PKN3: variants seen among roughly 807,000 people sequenced by gnomAD.
PKN3 encodes the protein protein kinase N3.
In PKN3, 91 loss-of-function variants were observed where a neutral mutation model predicts 113.1. The ratio of observed to expected loss-of-function variants is 0.80; its 90% CI spans 0.68 to 0.96. PKN3 has a LOEUF of 0.96. PKN3 is among the 40% of genes least tolerant of loss of function. The pLI is 0.00. For synonymous variants in PKN3, 467 were observed against 499.0 expected, an observed-to-expected ratio of 0.94 and a Z score of 0.85; for missense variants, 1,052 against 1,202.2, an observed-to-expected ratio of 0.88 and a Z score of 1.85.
rs892336288 is a variant in PKN3 at position 128,703,043 on chromosome 9, C to T, written c.24+104C>T. 8 of 804,826 alleles carry T rather than the reference C, an allele frequency of 9.9e-6. No individual in the cohort carries two copies. In the African/African-American group the frequency reaches 1.3e-4, roughly 13 times the overall value. 49.9% of individuals were successfully genotyped at this position (804,826 alleles called of 1,614,324 possible). A position where few individuals can be genotyped will look rare whatever the true frequency, so the allele number is the denominator to read the frequency against. On this transcript the variant is annotated intron_variant, in intron 1 of 21. Coordinates refer to ENST00000291906, the MANE Select transcript of PKN3 (RefSeq NM_013355.5). ...GCCGCTTCCCCCGATCCTCCCCTCACCCGCGCCCCTTCCCTGCCCCTGCCC... is the reference window on the plus strand; with the variant it reads ...GCCGCTTCCCCCGATCCTCCCCTCATCCGCGCCCCTTCCCTGCCCCTGCCC...
At position 128,716,909 on chromosome 9, in the gene PKN3, C is replaced by T. The variant is rs367741823; in HGVS notation, c.1971C>T (p.Pro657=). ...TGCAGATCCACGAGGATGTCTTCCC[C>T]GAGCCCCAGGCCCGGTGGGTTCCAT... ...LMMQIHEDVF[P]EPQARFYVAC... The change falls in exon 16 of 22, where the codon CCC becomes CCT. Residue 657 remains proline, a synonymous_variant. Coordinates refer to ENST00000291906, the MANE Select transcript of PKN3 (RefSeq NM_013355.5). 136 of 1,613,724 alleles carry T rather than the reference C, an allele frequency of 8.4e-5. No homozygotes were observed. The highest frequency in any genetic ancestry group is 2.9e-4 in the South Asian group (26 of 91,070).
chr9:128,717,682 C>A (rs1380162155), intron 16 of PKN3, among the ~76,000 whole-genome samples: 1 of 147,912 alleles, frequency 6.8e-6, no homozygotes, highest in Non-Finnish European at 1.5e-5. Context: ...GAGCCGAGAT[C>A]CCGCCACTTC....
At position 128,702,906 on chromosome 9, in the gene PKN3, G is replaced by A. The variant is rs1187813549; in HGVS notation, c.-10G>A. 4 of 1,484,156 alleles carry A rather than the reference G, an allele frequency of 2.7e-6. No individual in the cohort carries two copies. The highest frequency in any genetic ancestry group is 1.8e-6 in the Non-Finnish European group (2 of 1,120,248). The allele number at this position is 1,484,156 out of a possible 1,614,324, so 91.9% of individuals were successfully genotyped here. On this transcript the variant is annotated 5_prime_UTR_variant, in exon 1 of 22. Coordinates refer to ENST00000291906, the MANE Select transcript of PKN3 (RefSeq NM_013355.5). ...CTGAGAGAAGGGCCCCAAGCGGCCG[G>A]AGCGGCGCCATGGAGGAGGGGGCGC...
chr9:128,704,981 T>C (rs1861964586), intron 1 of PKN3, among the ~76,000 whole-genome samples: 1 of 148,410 alleles, frequency 6.7e-6, no homozygotes, highest in Admixed American at 6.7e-5. Flanking sequence ...CGCTACCGGG[T>C]GGGGTGGCTG....
chr9:128,704,849 C>T (rs1170029686), intron 1 of PKN3, among the ~76,000 whole-genome samples: 2 of 149,356 alleles, frequency 1.3e-5, no homozygotes, highest in African/African-American at 2.5e-5. Flanking sequence ...ACCCGGGAGG[C>T]AGAGGTTGTG....
Position 128,702,782 on chromosome 9 carries a change from G to A in PKN3, c.-134G>A, listed in dbSNP as rs1861891703. On this transcript the variant is annotated 5_prime_UTR_variant, in exon 1 of 22. Coordinates refer to ENST00000291906, the MANE Select transcript of PKN3 (RefSeq NM_013355.5). ...TGGTCCCGCGGGCCAGCGGGTCTCG[G>A]GAGGGGGCGCCCGATCCCGCGTCTC... is the stretch of plus-strand genomic sequence containing the variant. The A allele has an allele frequency of 1.5e-6, 1 of 683,400 alleles. No individual in the cohort carries two copies. Among genetic ancestry groups the A allele is most frequent in the South Asian group, 1.7e-5 (1 of 58,398 alleles). 42.3% of individuals were successfully genotyped at this position (683,400 alleles called of 1,614,324 possible). A position where few individuals can be genotyped will look rare whatever the true frequency, so the allele number is the denominator to read the frequency against.
intron 1 of PKN3, among the ~76,000 whole-genome samples, chr9:128,704,298 G>C (rs919887126): frequency 6.6e-6 from 1 of 152,116 alleles, no homozygotes; most frequent in East Asian, 1.9e-4. Flanking sequence ...ACTTCCTCCC[G>C]GGAGCTGAGC....
intron 5 of PKN3, 82 bp from the exon 6 acceptor site, chr9:128,707,140 C>G (rs1016232131): frequency 7.0e-6 from 11 of 1,577,576 alleles, no homozygotes; most frequent in African/African-American, 1.3e-5. Flanking sequence ...AGACTTCATG[C>G]GGAAGGTGGC....
In PKN3 at chr9:128,715,463, G is replaced by A; in HGVS notation, c.1808+3G>A. ...CTCAGCCGGGACGAGATAGAGAGGTGTGTGGGGGTGCCGCAGGGCACCCAG... is the reference window on the plus strand; with the variant it reads ...CTCAGCCGGGACGAGATAGAGAGGTATGTGGGGGTGCCGCAGGGCACCCAG... On this transcript the variant is annotated splice_donor_region_variant and intron_variant, in intron 15 of 21. Coordinates refer to ENST00000291906, the MANE Select transcript of PKN3 (RefSeq NM_013355.5). This position sits in a 1 kb window ranked among gnomAD's most constrained non-coding sequence, Gnocchi z 4.1. 6.2e-7 allele frequency: 1 copy of A among 1,612,182 alleles called. No individual in the cohort carries two copies. The highest frequency in any genetic ancestry group is 1.3e-5 in the African/African-American group (1 of 75,016).
chr9:128,711,376 G>C (rs753774460), intron 6 of PKN3, among the ~76,000 whole-genome samples: 2 of 149,248 alleles, frequency 1.3e-5, no homozygotes, highest in African/African-American at 2.5e-5. Flanking sequence ...GTGTGATTTC[G>C]GCTCACTGCA....
At chr9:128,712,245 A>G (rs1260541407) in intron 6 of PKN3, among the ~76,000 whole-genome samples, 2 of 151,582 alleles carry the variant, frequency 1.3e-5, no homozygotes, top group Non-Finnish European at 2.9e-5. Flanking sequence ...TCTACCCTGG[A>G]CCCCTGCCTT....
At position 128,705,684 on chromosome 9, in the gene PKN3, G is replaced by A. The variant is rs555602939; in HGVS notation, c.266-50G>A. The A allele has an allele frequency of 1.2e-5, 19 of 1,551,034 alleles. No homozygotes were observed. In the East Asian group the frequency reaches 4.4e-4, roughly 36 times the overall value. ...GGGAAGGAGGAAAGGCCACAGTGGG[G>A]GTCTCGGCTCTGGGTGAGGGACTCC... On this transcript the variant is annotated intron_variant, in intron 2 of 21. Coordinates refer to ENST00000291906, the MANE Select transcript of PKN3 (RefSeq NM_013355.5).
intron 1 of PKN3, chr9:128,704,060 G>C: frequency 1.2e-6 from 1 of 865,008 alleles, no homozygotes; most frequent in Non-Finnish European, 1.3e-6. Context: ...GAGGTCTGGG[G>C]TGGGGGGGTC....
chr9:128,705,191 C>G, intron 1 of PKN3, 112 bp from the exon 2 acceptor site: 5 of 1,354,102 alleles, frequency 3.7e-6, no homozygotes, highest in Non-Finnish European at 5.0e-6. Context: ...CTGTGCGAGT[C>G]AGTCCTGGGT....
rs979292722 is a variant in PKN3, at chr9:128,702,553, A to G, written c.-363A>G. 8.4e-6 allele frequency: 2 copies of G among 239,314 alleles called. No homozygotes were observed. The highest frequency in any genetic ancestry group is 4.6e-5 in the African/African-American group (2 of 43,674). The allele number at this position is 239,314 out of a possible 1,614,324, so 14.8% of individuals were successfully genotyped here. ...CCGCGGGCGCGCGGCGGGGAAGGCC[A>G]GAGGACCTGGGCGCGGGCGATGTGC... On this transcript the variant is annotated 5_prime_UTR_variant, in exon 1 of 22. Coordinates refer to ENST00000291906, the MANE Select transcript of PKN3 (RefSeq NM_013355.5).
chr9:128,707,680 A>G (rs1485734887), intron 6 of PKN3, among the ~76,000 whole-genome samples: 1 of 152,244 alleles, frequency 6.6e-6, no homozygotes, highest in East Asian at 1.9e-4. Context: ...CGTAGCTTGT[A>G]TTTACATAAA....
chr9:128,713,195 G>A lies in PKN3; in HGVS notation c.979G>A (p.Ala327Thr), dbSNP rs1862231134. Reference protein sequence around the residue: ...AKHQRGRGELASEVLAVLKVD... With the variant: ...AKHQRGRGELTSEVLAVLKVD... Reference sequence around the variant, plus strand: ...GCACCAGCGTGGCCGAGGCGAGCTTGCCAGTGAGTAGGGAAGGAGCTTCAG... The same window carrying A: ...GCACCAGCGTGGCCGAGGCGAGCTTACCAGTGAGTAGGGAAGGAGCTTCAG... The change falls in exon 7 of 22, where the codon GCC (alanine) becomes ACC (threonine). Residue 327 changes from alanine (A) to threonine (T), a missense_variant. Ala to Thr is a moderately conservative substitution (Grantham distance 58). Around this residue, in one of 2 missense-constraint regions of PKN3, gnomAD observed 719 missense variants for 759.4 expected, o/e 0.95. Coordinates refer to ENST00000291906, the MANE Select transcript of PKN3 (RefSeq NM_013355.5). 6.2e-7 allele frequency: 1 copy of A among 1,606,934 alleles called. No individual in the cohort carries two copies. Among genetic ancestry groups the A allele is most frequent in the Non-Finnish European group, 8.5e-7 (1 of 1,174,836 alleles).
chr9:128,702,574 T>G lies in PKN3; in HGVS notation c.-342T>G, dbSNP rs1861885904. On this transcript the variant is annotated 5_prime_UTR_variant, in exon 1 of 22. The change abolishes an upstream ATG in the 5' untranslated region. Coordinates refer to ENST00000291906, the MANE Select transcript of PKN3 (RefSeq NM_013355.5). ...GGCCAGAGGACCTGGGCGCGGGCGA[T>G]GTGCCTCCTGAGCGTCCAAACCGGG... 3.6e-6 allele frequency: 1 copy of G among 274,896 alleles called. No homozygotes were observed. Among genetic ancestry groups the G allele is most frequent in the East Asian group, 7.1e-5 (1 of 14,096 alleles). The allele number at this position is 274,896 out of a possible 1,614,324, so 17.0% of individuals were successfully genotyped here.
Position 128,720,578 on chromosome 9 carries a change from T to C in PKN3, c.2642T>C (p.Phe881Ser). 1.2e-6 allele frequency: 2 copies of C among 1,613,342 alleles called. No individual in the cohort carries two copies. The highest frequency in any genetic ancestry group is 8.5e-7 in the Non-Finnish European group (1 of 1,179,974). ...CAGGCCGCCTTCCGGGACTTCGACT[T>C]TGTGTCAGAGCGATTCCTGGAACCC... ...RQQAAFRDFD[F>S]VSERFLEP The change falls in exon 22 of 22, where the codon TTT becomes TCT. Residue 881 changes from phenylalanine to serine, a missense_variant. Physicochemically the swap from Phe to Ser is radical, Grantham distance 155 (BLOSUM62 -2). Around this residue, in one of 2 missense-constraint regions of PKN3, gnomAD observed 333 missense variants for 442.8 expected, o/e 0.75. Coordinates refer to ENST00000291906, the MANE Select transcript of PKN3 (RefSeq NM_013355.5). This position sits in a 1 kb window ranked among gnomAD's most constrained non-coding sequence, Gnocchi z 5.5.
Sources: gnomAD v4.1 joint callset for allele counts (sites outside exome capture counted in the v4.1 genomes callset) on GRCh38, gnomAD v4.1.1 for gene constraint, gnomAD v4.1.1 regional missense constraint, Gnocchi (gnomAD v3.1) non-coding constraint, MANE v1.5 for transcripts, NCBI Gene and HGNC (gene_info 2026-07-23, HGNC 2026-07-21) for gene names.